MBP: variants seen among roughly 807,000 people sequenced by gnomAD.
MBP encodes myelin basic protein.
A neutral mutation model predicts 35.8 loss-of-function variants in MBP; 16 were observed. That is an observed-to-expected ratio of 0.45 (90% CI 0.30 to 0.68). The LOEUF (loss-of-function observed/expected upper bound fraction) is 0.68. Among genes scored for constraint, MBP ranks in the 30% least tolerant of loss-of-function variants. The probability of loss-of-function intolerance (pLI) is 0.08; values close to 1 mark genes in which losing one functional copy is unlikely to be tolerated. For synonymous variants in MBP, 143 were observed against 159.6 expected (o/e 0.90, Z 0.78); for missense variants, 380 against 404.7 (o/e 0.94, Z 0.52).
chr18:77,090,760 C>T (rs1170235786), intron 2 of MBP, among the ~76,000 whole-genome samples: 1 of 152,234 alleles, frequency 6.6e-6, no homozygotes, highest in East Asian at 1.9e-4. Context: ...GGACTCTCCT[C>T]TCTGAACCCA....
intron 3 of MBP, among the ~76,000 whole-genome samples, chr18:77,064,868 T>C (rs948347204): frequency 6.6e-6 from 1 of 152,188 alleles, no homozygotes; most frequent in Admixed American, 6.5e-5. Flanking sequence ...CTTCGACCTA[T>C]AGTGAGTTCT....
At position 77,048,035 on chromosome 18, in the gene MBP, A is replaced by G. The variant is rs114868523; in HGVS notation, c.139+18263T>C. 6.5e-3 allele frequency among the ~76,000 whole-genome samples: 997 copies of G among 152,342 alleles called. 10 individuals are homozygous for G. The highest frequency in any genetic ancestry group is 0.023 in the African/African-American group (960 of 41,568). ...ACGCAATGCCAGTAAAAAATAGGCT[A>G]ATTATCAATTTTGGAATTAAACACT... On this transcript the variant is annotated intron_variant, in intron 3 of 8. Coordinates refer to ENST00000355994, the MANE Select transcript of MBP (RefSeq NM_001025101.2).
intron 4 of MBP, chr18:77,013,984 GC>G: frequency 1.0e-6 from 1 of 985,408 alleles, no homozygotes; most frequent in Non-Finnish European, 1.2e-6. Flanking sequence ...AAGCTGCCGG[GC>G]CAAGCACACG....
intron 3 of MBP, among the ~76,000 whole-genome samples, chr18:77,024,755 G>A (rs1327231907): frequency 6.6e-6 from 1 of 152,260 alleles, no homozygotes; most frequent in Non-Finnish European, 1.5e-5. Flanking sequence ...CTTGGAGGCC[G>A]ACCTCAGTCC....
intron 1 of MBP, among the ~76,000 whole-genome samples, chr18:77,123,022 A>G (rs1318224950): frequency 1.3e-5 from 2 of 152,234 alleles, no homozygotes; most frequent in Non-Finnish European, 2.9e-5. Flanking sequence ...AAGCTTCCTA[A>G]TAAAACTATA....
intron 2 of MBP, among the ~76,000 whole-genome samples, chr18:77,090,529 T>G (rs1975465509): frequency 6.6e-6 from 1 of 152,216 alleles, no homozygotes; most frequent in Non-Finnish European, 1.5e-5. Flanking sequence ...ACCACTGAGG[T>G]GGCTCTGTCC....
At position 76,984,619 on chromosome 18, in the gene MBP, A is replaced by G. The variant is rs926075911; in HGVS notation, c.870+156T>C. ...ATCCACGCGTAAATGCGGGTGGGCA[A>G]TGCCACCTGAGCCCCTGCACGCCTG... On this transcript the variant is annotated intron_variant, in intron 8 of 8. Coordinates refer to ENST00000355994, the MANE Select transcript of MBP (RefSeq NM_001025101.2). The G allele has an allele frequency of 3.2e-5, 30 of 949,308 alleles. 1 individual carries two copies. Among genetic ancestry groups the G allele is most frequent in the Middle Eastern group, 6.7e-4 (2 of 2,964 alleles). 58.8% of individuals were successfully genotyped at this position (949,308 alleles called of 1,614,324 possible).
At chr18:77,007,976 T>G (rs1971097007) in intron 4 of MBP, among the ~76,000 whole-genome samples, 1 of 152,152 alleles carries the variant, frequency 6.6e-6, no homozygotes, top group South Asian at 2.1e-4. Context: ...CTTACTATGA[T>G]CTGGATACCA....
intron 1 of MBP, among the ~76,000 whole-genome samples, chr18:77,106,892 A>T (rs1338771758): frequency 1.3e-5 from 2 of 152,212 alleles, no homozygotes; most frequent in Non-Finnish European, 2.9e-5. Context: ...CATTCTTCTC[A>T]TTGGGAAATG....
intron 7 of MBP, chr18:76,985,770 A>G (rs1969521078): frequency 3.0e-6 from 3 of 997,056 alleles, no homozygotes; most frequent in Non-Finnish European, 3.6e-6. Context: ...CATCTACGCA[A>G]TGGGGCTGTG....
Position 76,980,489 on chromosome 18 carries a change from G to A in MBP, c.871-18C>T. The A allele has an allele frequency of 6.2e-7, 1 of 1,611,940 alleles. No homozygotes were observed. The highest frequency in any genetic ancestry group is 1.7e-4 in the Middle Eastern group (1 of 5,824). On this transcript the variant is annotated intron_variant, in intron 8 of 8. Transcript: ENST00000355994. ...CTTCCTCCCTGAAAAGGAAGAGAGA[G>A]GAGTTAGGACGAGAGTGCCGCAGGG...
chr18:77,014,410 A>G, intron 4 of MBP: 6 of 985,388 alleles, frequency 6.1e-6, no homozygotes, highest in Non-Finnish European at 7.2e-6. Flanking sequence ...ACCTCGTTCT[A>G]GATAGGGAGA....
chr18:76,992,376 G>A (rs748975911), intron 4 of MBP, among the ~76,000 whole-genome samples: 5 of 152,198 alleles, frequency 3.3e-5, no homozygotes, highest in Admixed American at 6.5e-5. Context: ...AGGAGGCAGA[G>A]CTCAGGAGAT....
At chr18:77,130,309 G>A (rs1265137637) in intron 1 of MBP, among the ~76,000 whole-genome samples, 6 of 151,078 alleles carry the variant, frequency 4.0e-5, no homozygotes, top group Admixed American at 2.6e-4. Flanking sequence ...GCAGTCAGGC[G>A]CTGGTGCAGA....
chr18:77,087,258 CGGGGA>C, intron 2 of MBP: 1 of 152,384 alleles, frequency 6.6e-6, no homozygotes, highest in East Asian at 1.9e-4. Flanking sequence ...CGGAGCCTGG[CGGGGA>C]GGAACACGCG....
intron 1 of MBP, among the ~76,000 whole-genome samples, chr18:77,119,097 A>G (rs1362745120): frequency 6.6e-6 from 1 of 152,296 alleles, no homozygotes; most frequent in East Asian, 1.9e-4. Flanking sequence ...AGTTGGTCCC[A>G]CAGGTCCCTG....
intron 3 of MBP, among the ~76,000 whole-genome samples, chr18:77,022,768 A>C (rs1240383233): frequency 6.6e-6 from 1 of 152,252 alleles, no homozygotes; most frequent in East Asian, 1.9e-4. Context: ...GTTATTTGTG[A>C]GGCACAGAGA....
intron 1 of MBP, among the ~76,000 whole-genome samples, chr18:77,118,615 C>G (rs538737363): frequency 0.019 from 2,461 of 126,724 alleles, 34 homozygotes; most frequent in Non-Finnish European, 0.032. Flanking sequence ...ACAGACACCA[C>G]ACACACACAC....
intron 4 of MBP, among the ~76,000 whole-genome samples, chr18:77,000,968 A>T (rs1970598207): frequency 6.6e-6 from 1 of 151,142 alleles, no homozygotes; most frequent in African/African-American, 2.4e-5. Flanking sequence ...ATTAATATTC[A>T]CGGGTGCCTG....
Sources: gnomAD v4.1 joint callset for allele counts (sites outside exome capture counted in the v4.1 genomes callset) on GRCh38, gnomAD v4.1.1 for gene constraint, MANE v1.5 for transcripts, NCBI Gene and HGNC (gene_info 2026-07-23, HGNC 2026-07-21) for gene names.